AHCYL2: variants seen among roughly 807,000 people sequenced by gnomAD.
AHCYL2 encodes adenosylhomocysteinase like 2, also known as S-adenosylhomocysteine hydrolase-like protein 2.
Under a neutral mutation model 81.4 loss-of-function variants are expected in AHCYL2, and 28 were observed. The observed-to-expected ratio is 0.34, with a 90% confidence interval of 0.25 to 0.47. AHCYL2 has a LOEUF of 0.47. AHCYL2 is among the 20% of genes least tolerant of loss of function. AHCYL2 has a pLI of 1.00. For missense variants in AHCYL2, 551 were observed against 785.1 expected (o/e 0.70, Z 3.56); for synonymous variants, 272 against 290.2 (o/e 0.94, Z 0.64).
intron 1 of AHCYL2, among the ~76,000 whole-genome samples, chr7:129,253,830 T>C (rs1021802382): frequency 1.3e-5 from 2 of 152,176 alleles, no homozygotes; most frequent in African/African-American, 4.8e-5. Flanking sequence ...TTTCAAAATA[T>C]ACTTGTTTAG....
intron 1 of AHCYL2, among the ~76,000 whole-genome samples, chr7:129,230,189 T>C (rs1794377036): frequency 6.6e-6 from 1 of 151,324 alleles, no homozygotes; most frequent in Non-Finnish European, 1.5e-5. Flanking sequence ...TTCAAGCGAT[T>C]CTCCTGTCTT....
At chr7:129,269,643 C>T (rs564810752) in intron 1 of AHCYL2, among the ~76,000 whole-genome samples, 1 of 152,126 alleles carries the variant, frequency 6.6e-6, no homozygotes, top group East Asian at 1.9e-4. Context: ...ACTATGTTGC[C>T]TAGGCTTGTC....
chr7:129,408,794 T>C (rs1225618505), intron 10 of AHCYL2, among the ~76,000 whole-genome samples: 3 of 152,122 alleles, frequency 2.0e-5, no homozygotes, highest in East Asian at 1.9e-4. Context: ...TTGGCTGAAG[T>C]TGAGGAGAGG....
intron 1 of AHCYL2, among the ~76,000 whole-genome samples, chr7:129,252,776 G>T (rs1422234462): frequency 6.6e-6 from 1 of 151,698 alleles, no homozygotes; most frequent in Non-Finnish European, 1.5e-5. Flanking sequence ...CTGATTGATT[G>T]ATAGCTAGGT....
chr7:129,422,539 C>G (rs1028612790), intron 12 of AHCYL2, among the ~76,000 whole-genome samples: 1 of 152,138 alleles, frequency 6.6e-6, no homozygotes, highest in Non-Finnish European at 1.5e-5. Flanking sequence ...AAAGTACAAG[C>G]TTTTTGAAGG....
At chr7:129,339,462 A>G (rs1019668037) in intron 1 of AHCYL2, among the ~76,000 whole-genome samples, 1 of 152,202 alleles carries the variant, frequency 6.6e-6, no homozygotes, top group African/African-American at 2.4e-5. Flanking sequence ...TATCTTTGTT[A>G]TATTTTTCAG....
chr7:129,374,489 A>T (rs897044587), intron 1 of AHCYL2, among the ~76,000 whole-genome samples: 3 of 151,810 alleles, frequency 2.0e-5, no homozygotes, highest in Non-Finnish European at 4.4e-5. Context: ...TCTCTCTCTA[A>T]ATAAAGATTA....
At chr7:129,262,829 A>G (rs1197798874) in intron 1 of AHCYL2, among the ~76,000 whole-genome samples, 2 of 152,190 alleles carry the variant, frequency 1.3e-5, no homozygotes, top group African/African-American at 4.8e-5. Context: ...CAGGAGGAAC[A>G]ACATTCCTTT....
intron 1 of AHCYL2, among the ~76,000 whole-genome samples, chr7:129,336,184 C>T (rs1383875031): frequency 6.6e-6 from 1 of 150,722 alleles, no homozygotes; most frequent in Non-Finnish European, 1.5e-5. Flanking sequence ...TCTCCTGCCT[C>T]AGCCTCCCAA....
chr7:129,249,299 A>T (rs1795167482), intron 1 of AHCYL2, among the ~76,000 whole-genome samples: 1 of 152,144 alleles, frequency 6.6e-6, no homozygotes. Flanking sequence ...CACCCAGCCC[A>T]TTTTAACCAT....
At chr7:129,378,006 T>A (rs1193747043) in intron 1 of AHCYL2, among the ~76,000 whole-genome samples, 1 of 152,146 alleles carries the variant, frequency 6.6e-6, no homozygotes, top group Non-Finnish European at 1.5e-5. Flanking sequence ...ATCAAATATT[T>A]AAAAATAAAT....
chr7:129,283,826 T>G lies in AHCYL2; in HGVS notation c.363+58387T>G, dbSNP rs550628326. On this transcript the variant is annotated intron_variant, in intron 1 of 16. Coordinates refer to ENST00000325006, the MANE Select transcript of AHCYL2 (RefSeq NM_015328.4). ...GCATCAGGTGGTCATTTTTAAAATT[T>G]AAAACCAGTCTACCTATCTTGTTTG... Among the ~76,000 whole-genome samples, 6 of 152,304 alleles carry G rather than the reference T, an allele frequency of 3.9e-5. No homozygotes were observed. In the East Asian group the frequency reaches 1.2e-3, roughly 29 times the overall value.
chr7:129,407,226 C>G (rs1796350392), intron 10 of AHCYL2, among the ~76,000 whole-genome samples: 1 of 152,084 alleles, frequency 6.6e-6, no homozygotes, highest in Non-Finnish European at 1.5e-5. Flanking sequence ...GTGGTGCATG[C>G]CTGTGGTCCC....
rs766146866 is a variant in AHCYL2 at position 129,403,330 on chromosome 7, C to T, written c.919-49C>T. ...GCAAGACCCAGAGAAGCACTGAAGC[C>T]TTGAGACTTCAGCAAAGTGAATGAT... On this transcript the variant is annotated intron_variant, in intron 6 of 16. Transcript: ENST00000325006. The T allele has an allele frequency of 2.2e-6, 3 of 1,347,652 alleles. No individual in the cohort carries two copies. The East Asian group carries it at 7.3e-5, about 33-fold the overall frequency. The allele number at this position is 1,347,652 out of a possible 1,614,324, so 83.5% of individuals were successfully genotyped here.
At chr7:129,311,534 C>T (rs534330058) in intron 1 of AHCYL2, among the ~76,000 whole-genome samples, 3 of 152,310 alleles carry the variant, frequency 2.0e-5, no homozygotes, top group Non-Finnish European at 4.4e-5. Flanking sequence ...AACTGAATTC[C>T]TCTGAAACTT....
chr7:129,329,650 T>C (rs1584789768), intron 1 of AHCYL2, among the ~76,000 whole-genome samples: 1 of 152,370 alleles, frequency 6.6e-6, no homozygotes, highest in East Asian at 1.9e-4. Flanking sequence ...GTTTTAGCCT[T>C]TGCTAGGCTG....
chr7:129,335,139 T>C (rs934972259), intron 1 of AHCYL2, among the ~76,000 whole-genome samples: 2 of 152,176 alleles, frequency 1.3e-5, no homozygotes, highest in East Asian at 1.9e-4. Flanking sequence ...CCCAGCACTT[T>C]GGGAGGCCAG....
chr7:129,417,154 A>G (rs556887919), intron 12 of AHCYL2, among the ~76,000 whole-genome samples: 3 of 152,254 alleles, frequency 2.0e-5, no homozygotes, highest in East Asian at 3.9e-4. Flanking sequence ...AAAAAAGATG[A>G]TATTTGAGGC....
intron 1 of AHCYL2, among the ~76,000 whole-genome samples, chr7:129,348,859 C>A (rs1339042782): frequency 1.3e-5 from 2 of 152,130 alleles, no homozygotes; most frequent in Non-Finnish European, 2.9e-5. Flanking sequence ...TCCAGACTTT[C>A]CAGATTCTAG....
Sources: gnomAD v4.1 joint callset for allele counts (sites outside exome capture counted in the v4.1 genomes callset) on GRCh38, gnomAD v4.1.1 for gene constraint, MANE v1.5 for transcripts, NCBI Gene and HGNC (gene_info 2026-07-23, HGNC 2026-07-21) for gene names.